The following ADAMTS20 variants were observed in gnomAD, a reference collection of about 807,000 sequenced individuals.
ADAMTS20 encodes the protein ADAM metallopeptidase with thrombospondin type 1 motif 20, also known as A disintegrin and metalloproteinase with thrombospondin motifs 20.
A neutral mutation model predicts 260.1 loss-of-function variants in ADAMTS20; 225 were observed. The observed-to-expected ratio is 0.87, with a 90% confidence interval of 0.78 to 0.97. The LOEUF (loss-of-function observed/expected upper bound fraction) is 0.97, where lower values mean the gene tolerates loss of function less well. Among genes scored for constraint, ADAMTS20 ranks in the 50% least tolerant of loss-of-function variants. The pLI is 0.00. For synonymous variants in ADAMTS20, 802 were observed against 769.5 expected (o/e 1.04, Z -0.70); for missense variants, 2,400 against 2,337.7 (o/e 1.03, Z -0.55).
Position 43,466,813 on chromosome 12 carries a change from CACTT to C in ADAMTS20, c.1224-22_1224-19del. 6.4e-7 allele frequency: 1 copy of C among 1,551,374 alleles called. No homozygotes were observed. The highest frequency in any genetic ancestry group is 1.1e-5 in the South Asian group (1 of 87,034). On this transcript the variant is annotated intron_variant, in intron 8 of 38. Transcript: ENST00000389420. ...CACCAAGTCTAAAAATAAAAATAAA[CACTT>C]AAAAGGAATATCAAAAGATGCTTAC... is the stretch of plus-strand genomic sequence containing the variant.
chr12:43,452,550 G>A lies in ADAMTS20; in HGVS notation c.1906C>T (p.Pro636Ser). 1 of 1,613,438 alleles carries A rather than the reference G, an allele frequency of 6.2e-7. No homozygotes were observed. Among genetic ancestry groups the A allele is most frequent in the South Asian group, 1.1e-5 (1 of 91,024 alleles). Residue 636 changes from proline to serine, a missense_variant, in exon 13 of 39, where the codon CCC becomes TCC. Coordinates refer to ENST00000389420, the MANE Select transcript of ADAMTS20 (RefSeq NM_025003.5). ...NGKHLDISGI[P>S]SNVRWLPRYS... ...CTTGGAAGCCACCTCACATTAGAGG[G>A]AATGCCACTGATGTCCAAATGTTTA...
At chr12:43,499,228 AC>A (rs1219998990) in intron 4 of ADAMTS20, among the ~76,000 whole-genome samples, 1 of 152,186 alleles carries the variant, frequency 6.6e-6, no homozygotes, top group Non-Finnish European at 1.5e-5. Flanking sequence ...AAAGCTTAAC[AC>A]AAACCAGATG....
chr12:43,444,761 T>C (rs1306259338), intron 15 of ADAMTS20, among the ~76,000 whole-genome samples: 60 of 152,180 alleles, frequency 3.9e-4, no homozygotes. Context: ...AACTGCACCA[T>C]GAGTAAAAAG....
intron 9 of ADAMTS20, 50 bp from the exon 10 acceptor site, chr12:43,464,782 C>T (rs2137378699): frequency 6.5e-7 from 1 of 1,537,936 alleles, no homozygotes; most frequent in Non-Finnish European, 8.8e-7. Flanking sequence ...TGGATGCATT[C>T]CAGTATGATT....
At chr12:43,374,044 G>GA (rs758373932) in intron 36 of ADAMTS20, among the ~76,000 whole-genome samples, 1 of 151,924 alleles carries the variant, frequency 6.6e-6, no homozygotes, top group Admixed American at 6.6e-5. Flanking sequence ...AGGAAATGAA[G>GA]AAAAAAACCT....
At chr12:43,397,781 G>A (rs181265278) in intron 29 of ADAMTS20, among the ~76,000 whole-genome samples, 2 of 152,300 alleles carry the variant, frequency 1.3e-5, no homozygotes, top group East Asian at 3.9e-4. Context: ...AAACAGAGAT[G>A]CATTAGCATC....
chr12:43,432,266 A>G (rs372055119), intron 21 of ADAMTS20, 38 bp downstream of exon 21: 1 of 1,581,732 alleles, frequency 6.3e-7, no homozygotes, highest in African/African-American at 1.4e-5. Flanking sequence ...TACTAACACA[A>G]TATTTTAATA....
intron 7 of ADAMTS20, among the ~76,000 whole-genome samples, chr12:43,477,655 T>TTC (rs143217172): frequency 6.6e-6 from 1 of 150,924 alleles, no homozygotes; most frequent in Non-Finnish European, 1.5e-5. Context: ...GTCTCTTTCT[T>TTC]TCTCTCTCTC....
intron 28 of ADAMTS20, among the ~76,000 whole-genome samples, chr12:43,424,485 AAGTTC>A (rs1173478319): frequency 6.6e-6 from 1 of 152,156 alleles, no homozygotes; most frequent in Non-Finnish European, 1.5e-5. Context: ...AACTGTAAAC[AAGTTC>A]TGTTATGGAA....
intron 11 of ADAMTS20, among the ~76,000 whole-genome samples, chr12:43,462,508 A>G (rs1249526250): frequency 2.6e-5 from 4 of 152,190 alleles, no homozygotes; most frequent in African/African-American, 7.2e-5. Context: ...AAAACTTTCA[A>G]TTGTATTAAC....
At chr12:43,354,771 T>C (rs945279815) in intron 38 of ADAMTS20, among the ~76,000 whole-genome samples, 2 of 152,174 alleles carry the variant, frequency 1.3e-5, no homozygotes, top group Non-Finnish European at 2.9e-5. Flanking sequence ...TTCAAGCATC[T>C]CGTGGAGGCG....
intron 28 of ADAMTS20, among the ~76,000 whole-genome samples, chr12:43,425,312 C>T (rs1053366467): frequency 2.6e-5 from 4 of 152,064 alleles, no homozygotes; most frequent in African/African-American, 9.7e-5. Flanking sequence ...TAATGGATGC[C>T]GTGCTTAATA....
At chr12:43,384,914 C>T (rs1442937190) in intron 29 of ADAMTS20, among the ~76,000 whole-genome samples, 2 of 152,188 alleles carry the variant, frequency 1.3e-5, no homozygotes, top group Non-Finnish European at 1.5e-5. Context: ...CTGCTATAAA[C>T]ATATGTGTGC....
intron 28 of ADAMTS20, among the ~76,000 whole-genome samples, chr12:43,410,304 A>T (rs538377724): frequency 1.3e-5 from 2 of 152,316 alleles, no homozygotes; most frequent in East Asian, 3.9e-4. Flanking sequence ...CTCTGGAAGG[A>T]GTCCAAAACA....
intron 4 of ADAMTS20, 98 bp from the exon 5 acceptor site, chr12:43,493,351 C>G: frequency 1.2e-6 from 1 of 816,954 alleles, no homozygotes; most frequent in Non-Finnish European, 1.9e-6. Context: ...TCTAATTGCA[C>G]TGCACGTAGG....
intron 3 of ADAMTS20, among the ~76,000 whole-genome samples, chr12:43,518,230 A>G (rs951686926): frequency 1.3e-5 from 2 of 152,112 alleles, no homozygotes; most frequent in Non-Finnish European, 2.9e-5. Flanking sequence ...TATAAGTTTT[A>G]CTTATGCAAA....
At chr12:43,372,304 G>A (rs1940124347) in intron 36 of ADAMTS20, among the ~76,000 whole-genome samples, 1 of 152,180 alleles carries the variant, frequency 6.6e-6, no homozygotes, top group Non-Finnish European at 1.5e-5. Flanking sequence ...GGTCAAGAAA[G>A]ACACAAAACC....
intron 14 of ADAMTS20, 54 bp from the exon 15 acceptor site, chr12:43,446,766 G>C (rs762129263): frequency 1.8e-5 from 25 of 1,418,362 alleles, no homozygotes; most frequent in Non-Finnish European, 2.4e-5. Context: ...ATGAAGAAAA[G>C]AGAGAAGATC....
chr12:43,458,698 G>A (rs779610250), intron 11 of ADAMTS20, among the ~76,000 whole-genome samples: 2 of 152,134 alleles, frequency 1.3e-5, no homozygotes, highest in Admixed American at 1.3e-4. Flanking sequence ...TTTCTGGTGT[G>A]TGGCACCAAT....
Sources: gnomAD v4.1 joint callset for allele counts (sites outside exome capture counted in the v4.1 genomes callset) on GRCh38, gnomAD v4.1.1 for gene constraint, MANE v1.5 for transcripts, NCBI Gene and HGNC (gene_info 2026-07-23, HGNC 2026-07-21) for gene names.